Variants in PHLDB2 observed in about 807,000 individuals in gnomAD.
PHLDB2 encodes pleckstrin homology like domain family B member 2.
A neutral mutation model predicts 123.6 loss-of-function variants in PHLDB2; 71 were observed. That is an observed-to-expected ratio of 0.57 (90% CI 0.47 to 0.70). The LOEUF is 0.70. PHLDB2 is among the 30% of genes least tolerant of loss of function. The pLI is 0.00. For synonymous variants in PHLDB2, 547 were observed against 541.6 expected (o/e 1.01, Z -0.14); for missense variants, 1,446 against 1,519.5 (o/e 0.95, Z 0.80).
upstream of PHLDB2, chr3:111,859,237 T>C (rs2064665931): frequency 1.0e-6 from 1 of 983,292 alleles, no homozygotes; most frequent in Non-Finnish European, 1.2e-6. Flanking sequence ...CTTTCAGCTC[T>C]TAAAAAAAGC....
chr3:111,964,511 T>C (rs568661556), intron 13 of PHLDB2, among the ~76,000 whole-genome samples: 15 of 151,990 alleles, frequency 9.9e-5, no homozygotes, highest in Non-Finnish European at 1.8e-4. Context: ...GGCTAATTTT[T>C]TTTTTTTTTT....
chr3:111,802,931 C>A (rs962855947), intron 1 of PHLDB2, among the ~76,000 whole-genome samples: 6 of 152,064 alleles, frequency 3.9e-5, no homozygotes, highest in Admixed American at 6.6e-5. Context: ...AAAATGGCAA[C>A]CTGTCACTGG....
At chr3:111,918,359 T>C (rs2068298980) in intron 3 of PHLDB2, among the ~76,000 whole-genome samples, 1 of 152,222 alleles carries the variant, frequency 6.6e-6, no homozygotes, top group South Asian at 2.1e-4. Flanking sequence ...TGTCCTGTTT[T>C]AGGGAGTGTC....
At chr3:111,854,740 A>C (rs1394957887), upstream of PHLDB2, among the ~76,000 whole-genome samples, 1 of 152,258 alleles carries the variant, frequency 6.6e-6, no homozygotes, top group Non-Finnish European at 1.5e-5. Context: ...AGAAGCTGAA[A>C]AGCCAAAGAA....
At chr3:111,856,865 T>G (rs2064533487), upstream of PHLDB2, among the ~76,000 whole-genome samples, 1 of 152,176 alleles carries the variant, frequency 6.6e-6, no homozygotes, top group Non-Finnish European at 1.5e-5. Context: ...AAACATAATT[T>G]AAAAAGTACA....
intron 1 of PHLDB2, among the ~76,000 whole-genome samples, chr3:111,807,803 G>A (rs542682989): frequency 1.3e-5 from 2 of 152,150 alleles, no homozygotes; most frequent in South Asian, 4.1e-4. Flanking sequence ...ATAAGGAGAA[G>A]GAAGAGGAAT....
chr3:111,746,974 C>A (rs937614658), intron 1 of PHLDB2, among the ~76,000 whole-genome samples: 1 of 152,108 alleles, frequency 6.6e-6, no homozygotes, highest in African/African-American at 2.4e-5. Context: ...AGTTAGGGAA[C>A]GTTTCCACCT....
chr3:111,757,984 G>A (rs866722953), intron 1 of PHLDB2, among the ~76,000 whole-genome samples: 9 of 152,074 alleles, frequency 5.9e-5, no homozygotes, highest in African/African-American at 1.2e-4. Flanking sequence ...AGGAGTACCC[G>A]GCCGTGTGAG....
intron 2 of PHLDB2, among the ~76,000 whole-genome samples, chr3:111,893,737 A>T (rs1577016482): frequency 7.3e-6 from 1 of 136,480 alleles, no homozygotes; most frequent in Admixed American, 7.7e-5. Context: ...GTCATTTTAA[A>T]TTTTTTTATG....
intron 1 of PHLDB2, among the ~76,000 whole-genome samples, chr3:111,780,483 TA>T (rs1238069148): frequency 1.3e-5 from 2 of 151,308 alleles, no homozygotes; most frequent in African/African-American, 2.4e-5. Flanking sequence ...AACACAGCAA[TA>T]AGACCCTCAC....
intron 6 of PHLDB2, among the ~76,000 whole-genome samples, chr3:111,938,605 A>G (rs573934275): frequency 2.0e-5 from 3 of 152,282 alleles, no homozygotes; most frequent in East Asian, 1.9e-4. Flanking sequence ...ATTAAAAACG[A>G]GTATGAAAGG....
chr3:111,967,841 G>A lies in PHLDB2; in HGVS notation c.3315+17G>A. 4 of 1,598,306 alleles carry A rather than the reference G, an allele frequency of 2.5e-6. No individual in the cohort carries two copies. The highest frequency in any genetic ancestry group is 3.4e-6 in the Non-Finnish European group (4 of 1,175,030). On this transcript the variant is annotated intron_variant, in intron 15 of 17. Coordinates refer to ENST00000431670, the MANE Select transcript of PHLDB2 (RefSeq NM_001134438.2). ...AGGGCACAGGTTGGTCGGTCAATCT[G>A]AATGCATATGGGCAGGTTGCCCCCT...
intron 2 of PHLDB2, among the ~76,000 whole-genome samples, chr3:111,901,203 C>CA (rs61596307): frequency 2.0e-5 from 3 of 151,612 alleles, no homozygotes; most frequent in East Asian, 2.0e-4. Flanking sequence ...ACTAAAAATA[C>CA]AAAAAAATTA....
chr3:111,794,607 C>T (rs1304188161), intron 1 of PHLDB2, among the ~76,000 whole-genome samples: 1 of 152,200 alleles, frequency 6.6e-6, no homozygotes, highest in Non-Finnish European at 1.5e-5. Context: ...ACCACTAGAT[C>T]TGCCCTCAAG....
At chr3:111,827,053 A>G (rs2062687161) in intron 1 of PHLDB2, among the ~76,000 whole-genome samples, 1 of 152,226 alleles carries the variant, frequency 6.6e-6, no homozygotes, top group African/African-American at 2.4e-5. Context: ...AAAAAAGGAA[A>G]GGAAAAACAA....
chr3:111,822,736 A>T (rs1027037855), intron 1 of PHLDB2, among the ~76,000 whole-genome samples: 1 of 152,016 alleles, frequency 6.6e-6, no homozygotes, highest in Non-Finnish European at 1.5e-5. Context: ...TTCCAATCTT[A>T]CCTCCTTGGT....
intron 1 of PHLDB2, among the ~76,000 whole-genome samples, chr3:111,783,691 G>A (rs1294308693): frequency 6.6e-6 from 1 of 152,074 alleles, no homozygotes; most frequent in East Asian, 1.9e-4. Context: ...CTAATTTAGA[G>A]ATTGATCAGC....
chr3:111,745,745 G>A (rs994138862), intron 1 of PHLDB2, among the ~76,000 whole-genome samples: 6 of 151,740 alleles, frequency 4.0e-5, no homozygotes, highest in South Asian at 2.1e-4. Flanking sequence ...CTGGGCAACA[G>A]AGCAAGACCT....
Position 111,827,827 on chromosome 3 carries a change from A to G in PHLDB2, c.-48-17994A>G, listed in dbSNP as rs1441715254. Among the ~76,000 whole-genome samples the G allele has an allele frequency of 3.3e-5, 5 of 152,172 alleles. No individual in the cohort carries two copies. The East Asian group carries it at 7.7e-4, about 23-fold the overall frequency. ...CTACACTGTGAGCTTCTGTAGGTAG[A>G]GTCTCAGGGCTTACTAGAGTGCTTG... is the stretch of plus-strand genomic sequence containing the variant. On this transcript the variant is annotated intron_variant, in intron 1 of 17. Coordinates refer to the PHLDB2 transcript ENST00000393923.
Sources: allele counts gnomAD v4.1 joint callset (sites outside exome capture counted in the v4.1 genomes callset), GRCh38; gene constraint gnomAD v4.1.1; transcripts MANE v1.5; gene names NCBI Gene and HGNC (gene_info 2026-07-23, HGNC 2026-07-21).